Variants in CDH12 observed in about 807,000 individuals in gnomAD.
The protein encoded by CDH12 is cadherin-12.
A neutral mutation model predicts 74.1 loss-of-function variants in CDH12; 41 were observed. The ratio of observed to expected loss-of-function variants is 0.55; its 90% CI spans 0.43 to 0.72. The LOEUF is 0.72. Among genes scored for constraint, CDH12 ranks in the 30% least tolerant of loss-of-function variants. The pLI is 0.00. For missense variants in CDH12, 945 were observed against 977.2 expected, an observed-to-expected ratio of 0.97 and a Z score of 0.44; for synonymous variants, 399 against 355.0, an observed-to-expected ratio of 1.12 and a Z score of -1.39.
At chr5:22,041,648 G>T (rs536729441) in intron 5 of CDH12, among the ~76,000 whole-genome samples, 2 of 152,212 alleles carry the variant, frequency 1.3e-5, no homozygotes, top group South Asian at 4.1e-4. Flanking sequence ...ACATCAGAGT[G>T]CCTAAATATA....
chr5:22,249,750 G>A (rs551468755), intron 3 of CDH12, among the ~76,000 whole-genome samples: 4 of 152,110 alleles, frequency 2.6e-5, no homozygotes, highest in Non-Finnish European at 5.9e-5. Flanking sequence ...ATTACTGTTC[G>A]TTACTAAGGT....
At chr5:22,224,805 CGA>C (rs1295797897) in intron 3 of CDH12, among the ~76,000 whole-genome samples, 7 of 151,056 alleles carry the variant, frequency 4.6e-5, no homozygotes, top group African/African-American at 1.7e-4. Context: ...AAAACTTACA[CGA>C]GTTTTGATTT....
intron 3 of CDH12, among the ~76,000 whole-genome samples, chr5:22,274,901 G>A (rs1166091376): frequency 6.6e-6 from 1 of 152,130 alleles, no homozygotes; most frequent in African/African-American, 2.4e-5. Flanking sequence ...AATTTCGGGT[G>A]TCTTTTGAAA....
chr5:22,659,314 T>C (rs1171627690), intron 1 of CDH12, among the ~76,000 whole-genome samples: 1 of 152,140 alleles, frequency 6.6e-6, no homozygotes, highest in East Asian at 1.9e-4. Context: ...ATCTCGAAGC[T>C]TGGATTACTA....
At chr5:22,161,253 T>A (rs1451304244) in intron 4 of CDH12, among the ~76,000 whole-genome samples, 1 of 152,164 alleles carries the variant, frequency 6.6e-6, no homozygotes, top group African/African-American at 2.4e-5. Context: ...GTTTCACCTC[T>A]CCTCTTCGGT....
chr5:22,311,605 G>C (rs1411483563), intron 3 of CDH12, among the ~76,000 whole-genome samples: 1 of 151,408 alleles, frequency 6.6e-6, no homozygotes, highest in African/African-American at 2.4e-5. Context: ...AGGAGGCTGA[G>C]GGCAGGATAA....
intron 6 of CDH12, among the ~76,000 whole-genome samples, chr5:21,898,680 A>G (rs1177784134): frequency 1.3e-5 from 2 of 152,008 alleles, no homozygotes; most frequent in Non-Finnish European, 2.9e-5. Flanking sequence ...TCAGCCTGGC[A>G]ACAGAGCGAG....
intron 3 of CDH12, among the ~76,000 whole-genome samples, chr5:22,337,606 G>A (rs929252763): frequency 6.6e-6 from 1 of 152,154 alleles, no homozygotes; most frequent in African/African-American, 2.4e-5. Context: ...CATGTAAAAC[G>A]TGACTTGCTC....
intron 2 of CDH12, among the ~76,000 whole-genome samples, chr5:22,474,487 G>T (rs776336260): frequency 2.0e-5 from 3 of 152,124 alleles, no homozygotes; most frequent in Non-Finnish European, 4.4e-5. Flanking sequence ...GACAGCAATA[G>T]AAACTACTCA....
At chr5:21,900,253 A>G (rs1753323647) in intron 6 of CDH12, among the ~76,000 whole-genome samples, 1 of 152,170 alleles carries the variant, frequency 6.6e-6, no homozygotes, top group African/African-American at 2.4e-5. Flanking sequence ...ATTCCTGTGG[A>G]AGGCAGGAGG....
At chr5:21,793,562 C>G (rs1266433376) in intron 10 of CDH12, among the ~76,000 whole-genome samples, 1 of 151,666 alleles carries the variant, frequency 6.6e-6, no homozygotes, top group African/African-American at 2.4e-5. Context: ...GCCTGTTATT[C>G]CAAGTCACCA....
chr5:22,003,824 C>CAAAAAAAAAAA (rs775995801), intron 5 of CDH12, among the ~76,000 whole-genome samples: 1 of 47,396 alleles, frequency 2.1e-5, no homozygotes, highest in African/African-American at 7.6e-5. Flanking sequence ...CCCGCTTCCA[C>CAAAAAAAAAAA]AAAAAAAAAA....
intron 5 of CDH12, among the ~76,000 whole-genome samples, chr5:22,037,070 T>A (rs1739243308): frequency 6.6e-6 from 1 of 151,946 alleles, no homozygotes; most frequent in Admixed American, 6.6e-5. Context: ...TAGAAAAACA[T>A]GAATAAATCA....
At chr5:22,385,881 G>A (rs780443164) in intron 3 of CDH12, among the ~76,000 whole-genome samples, 10 of 148,248 alleles carry the variant, frequency 6.7e-5, no homozygotes, top group Non-Finnish European at 1.3e-4. Context: ...GAATGGCTAC[G>A]CGCTTTTTTT....
At chr5:22,717,315 T>C (rs1195593893) in intron 1 of CDH12, among the ~76,000 whole-genome samples, 1 of 152,194 alleles carries the variant, frequency 6.6e-6, no homozygotes, top group East Asian at 1.9e-4. Context: ...ATATTTACCA[T>C]GTGTTACAGT....
intron 4 of CDH12, among the ~76,000 whole-genome samples, chr5:22,147,726 C>A (rs1747295958): frequency 6.6e-6 from 1 of 152,030 alleles, no homozygotes. Context: ...AAGGGGAAAT[C>A]TCTTATAAAA....
chr5:22,177,720 C>T (rs1749417270), intron 4 of CDH12, among the ~76,000 whole-genome samples: 1 of 152,038 alleles, frequency 6.6e-6, no homozygotes, highest in African/African-American at 2.4e-5. Flanking sequence ...GAGCCACCCA[C>T]CTATCACACC....
At chr5:22,706,084 A>G (rs1478694390) in intron 1 of CDH12, among the ~76,000 whole-genome samples, 2 of 152,078 alleles carry the variant, frequency 1.3e-5, no homozygotes, top group Non-Finnish European at 2.9e-5. Flanking sequence ...GCATTAAATG[A>G]GTTTTGGGCA....
chr5:22,525,042 G>A (rs563490052), intron 1 of CDH12, among the ~76,000 whole-genome samples: 23 of 145,572 alleles, frequency 1.6e-4, no homozygotes, highest in African/African-American at 5.9e-4. Context: ...TCCCACCTAC[G>A]AGTGAGAACA....
Sources: allele counts gnomAD v4.1 joint callset (sites outside exome capture counted in the v4.1 genomes callset), GRCh38; gene constraint gnomAD v4.1.1; transcripts MANE v1.5; gene names NCBI Gene and HGNC (gene_info 2026-07-23, HGNC 2026-07-21).